MAGI1: variants seen among roughly 807,000 people sequenced by gnomAD.
The protein encoded by MAGI1 is membrane-associated guanylate kinase, WW and PDZ domain-containing protein 1.
In MAGI1, 58 loss-of-function variants were observed where a neutral mutation model predicts 139.9. The observed-to-expected ratio is 0.41, with a 90% CI of 0.34 to 0.52. MAGI1 has a LOEUF of 0.52. Ranked by LOEUF, MAGI1 falls within the 20% of genes least tolerant of loss-of-function variation. The pLI, the probability that MAGI1 is intolerant of heterozygous loss-of-function variation, is 0.12. For missense variants in MAGI1, 1,874 were observed against 1,901.6 expected, an observed-to-expected ratio of 0.99 and a Z score of 0.27; for synonymous variants, 812 against 737.9, an observed-to-expected ratio of 1.10 and a Z score of -1.63.
intron 12 of MAGI1, among the ~76,000 whole-genome samples, chr3:65,407,581 G>A (rs1190242392): frequency 2.0e-5 from 3 of 152,034 alleles, no homozygotes; most frequent in Non-Finnish European, 4.4e-5. Flanking sequence ...AGTGATTGGG[G>A]GAAATAATAA....
intron 12 of MAGI1, among the ~76,000 whole-genome samples, chr3:65,415,818 CTG>C (rs887543395): frequency 2.6e-5 from 4 of 152,164 alleles, no homozygotes; most frequent in Admixed American, 2.6e-4. Flanking sequence ...GTTGTTAAAA[CTG>C]GGGAGACGGG....
chr3:65,539,377 C>T (rs7636209), intron 2 of MAGI1, among the ~76,000 whole-genome samples: 1 of 152,168 alleles, frequency 6.6e-6, no homozygotes, highest in African/African-American at 2.4e-5. Flanking sequence ...CAAACAGACA[C>T]ATACCAACTA....
intron 13 of MAGI1, among the ~76,000 whole-genome samples, chr3:65,396,843 T>C (rs980166354): frequency 5.3e-5 from 8 of 152,238 alleles, no homozygotes; most frequent in Non-Finnish European, 1.0e-4. Flanking sequence ...GTCATTCCTT[T>C]TGTTTGTTTC....
At position 65,740,618 on chromosome 3, in the gene MAGI1, G is replaced by A. The variant is rs574000980; in HGVS notation, c.314-118530C>T. 5.3e-5 allele frequency among the ~76,000 whole-genome samples: 8 copies of A among 152,262 alleles called. No homozygotes were observed. The South Asian group carries it at 1.7e-3, about 32-fold the overall frequency. On this transcript the variant is annotated intron_variant, in intron 1 of 22. Transcript: ENST00000402939. The stretch of plus-strand genomic sequence containing the variant: ...AATCCCAGTGATAGTGGGGAGAAAC[G>A]ATGGAAAACTTAATTACTGTTCATT...
chr3:65,428,166 G>A (rs1156893696), intron 12 of MAGI1, among the ~76,000 whole-genome samples: 1 of 152,058 alleles, frequency 6.6e-6, no homozygotes, highest in Non-Finnish European at 1.5e-5. Context: ...TGACACAAAT[G>A]AGCTCTCCTG....
At chr3:65,734,255 A>C (rs150465434) in intron 1 of MAGI1, among the ~76,000 whole-genome samples, 2 of 152,164 alleles carry the variant, frequency 1.3e-5, no homozygotes, top group African/African-American at 4.8e-5. Flanking sequence ...TGATCCCAGG[A>C]GTTCGAGCAC....
intron 1 of MAGI1, among the ~76,000 whole-genome samples, chr3:65,648,840 T>G (rs1559753261): frequency 1.3e-5 from 2 of 152,180 alleles, no homozygotes; most frequent in Non-Finnish European, 2.9e-5. Flanking sequence ...TACGTGGTAT[T>G]GATGGGGATG....
At chr3:65,556,259 T>C (rs952354781) in intron 2 of MAGI1, among the ~76,000 whole-genome samples, 27 of 152,212 alleles carry the variant, frequency 1.8e-4, no homozygotes, top group Middle Eastern at 3.2e-3. Flanking sequence ...TTCCAGACAT[T>C]AGCTACTTAC....
At chr3:65,782,307 G>A (rs959473970) in intron 1 of MAGI1, among the ~76,000 whole-genome samples, 3 of 152,082 alleles carry the variant, frequency 2.0e-5, no homozygotes, top group East Asian at 1.9e-4. Flanking sequence ...AGGATACAAC[G>A]TTGCTAGCAG....
chr3:65,728,949 T>C (rs563791934), intron 1 of MAGI1, among the ~76,000 whole-genome samples: 1 of 152,244 alleles, frequency 6.6e-6, no homozygotes, highest in African/African-American at 2.4e-5. Context: ...TTACTGTGTT[T>C]AATAACTCTT....
intron 1 of MAGI1, among the ~76,000 whole-genome samples, chr3:65,953,585 T>C (rs1310843759): frequency 1.3e-5 from 2 of 151,894 alleles, no homozygotes; most frequent in Non-Finnish European, 2.9e-5. Flanking sequence ...CACAGGGAGG[T>C]TTCAGCAGGG....
chr3:65,428,114 C>T (rs1418755681), intron 12 of MAGI1, among the ~76,000 whole-genome samples: 2 of 152,150 alleles, frequency 1.3e-5, no homozygotes, highest in Non-Finnish European at 2.9e-5. Flanking sequence ...ATTCTGATCG[C>T]AGAACACACA....
intron 2 of MAGI1, among the ~76,000 whole-genome samples, chr3:65,509,585 C>G (rs142831344): frequency 0.016 from 2,474 of 152,306 alleles, 78 homozygotes; most frequent in African/African-American, 0.056. Context: ...CCGAATATTT[C>G]GCTTTTCAGA....
At chr3:65,986,058 T>C (rs1219486702) in intron 1 of MAGI1, among the ~76,000 whole-genome samples, 5 of 152,200 alleles carry the variant, frequency 3.3e-5, no homozygotes, top group African/African-American at 1.2e-4. Flanking sequence ...GGGTATAGGA[T>C]AGAAGGAGCA....
chr3:65,427,618 T>A (rs115904166), intron 12 of MAGI1, among the ~76,000 whole-genome samples: 8,576 of 152,206 alleles, frequency 0.056, 450 homozygotes, highest in African/African-American at 0.14. Context: ...GCTGTCAGCC[T>A]CAGTATTAAG....
intron 1 of MAGI1, among the ~76,000 whole-genome samples, chr3:65,949,478 G>A (rs1389105592): frequency 6.6e-6 from 1 of 152,180 alleles, no homozygotes; most frequent in Non-Finnish European, 1.5e-5. Flanking sequence ...ATTTTACCAA[G>A]ACTACAATCC....
At chr3:65,867,435 C>A (rs984847519) in intron 1 of MAGI1, among the ~76,000 whole-genome samples, 3 of 152,146 alleles carry the variant, frequency 2.0e-5, no homozygotes, top group African/African-American at 7.2e-5. Context: ...CCCCTAACTT[C>A]AAAGGGTGTG....
At chr3:65,792,583 A>G (rs1015404271) in intron 1 of MAGI1, among the ~76,000 whole-genome samples, 5 of 152,138 alleles carry the variant, frequency 3.3e-5, no homozygotes, top group African/African-American at 9.7e-5. Context: ...ACAATATAAT[A>G]AAAGTAAAAT....
chr3:65,504,583 G>C (rs2077205037), intron 2 of MAGI1, among the ~76,000 whole-genome samples: 1 of 152,140 alleles, frequency 6.6e-6, no homozygotes, highest in Non-Finnish European at 1.5e-5. Context: ...TAGTGGAGGA[G>C]CGAGGTGCAG....
Sources: allele counts gnomAD v4.1 joint callset (sites outside exome capture counted in the v4.1 genomes callset), GRCh38; gene constraint gnomAD v4.1.1; transcripts MANE v1.5; gene names NCBI Gene and HGNC (gene_info 2026-07-23, HGNC 2026-07-21).